The following NEB variants were observed in gnomAD, a reference collection of about 807,000 sequenced individuals.
NEB encodes the protein nebulin.
Under a neutral mutation model 952.2 loss-of-function variants are expected in NEB, and 512 were observed. The observed-to-expected ratio is 0.54, with a 90% confidence interval of 0.50 to 0.58. The LOEUF is 0.58. NEB is among the 20% of genes least tolerant of loss of function. NEB has a pLI of 0.00. For missense variants in NEB, 8,428 were observed against 9,231.1 expected (o/e 0.91, Z 3.56); for synonymous variants, 2,900 against 3,149.8 (o/e 0.92, Z 2.66).
chr2:151,524,653 G>A, intron 151 of NEB, 37 bp from the exon 152 acceptor site: 1 of 515,230 alleles, frequency 1.9e-6, no homozygotes, highest in South Asian at 2.1e-5. Flanking sequence ...CAAGAGAGAG[G>A]CTTTTTTTTT....
intron 32 of NEB, among the ~76,000 whole-genome samples, chr2:151,679,264 T>C (rs2099396978): frequency 6.6e-6 from 1 of 152,084 alleles, no homozygotes; most frequent in Non-Finnish European, 1.5e-5. Flanking sequence ...TTAACTGTAA[T>C]AGAACCCAAA....
intron 181 of NEB, among the ~76,000 whole-genome samples, chr2:151,488,991 C>G (rs2053730364): frequency 6.6e-6 from 1 of 152,094 alleles, no homozygotes; most frequent in Non-Finnish European, 1.5e-5. Context: ...TAAGTATTAT[C>G]ATTTTCAAAT....
chr2:151,639,201 T>A, intron 63 of NEB, 79 bp downstream of exon 63: 2 of 1,104,416 alleles, frequency 1.8e-6, no homozygotes, highest in Non-Finnish European at 2.6e-6. Flanking sequence ...TCTAAAGCTG[T>A]CATTTGGTAT....
At chr2:151,541,670 A>C in intron 135 of NEB, 119 bp from the exon 136 acceptor site, 1 of 737,210 alleles carries the variant, frequency 1.4e-6, no homozygotes, top group Non-Finnish European at 2.3e-6. Context: ...CAACGATTGC[A>C]GTTTCTTCCC....
intron 141 of NEB, among the ~76,000 whole-genome samples, chr2:151,536,215 A>G (rs1193436432): frequency 1.3e-5 from 2 of 152,172 alleles, no homozygotes; most frequent in African/African-American, 4.8e-5. Flanking sequence ...CCAAGCTAAC[A>G]CATATTTACT....
At position 151,684,828 on chromosome 2, in the gene NEB, C is replaced by T. The variant is rs777636048; in HGVS notation, c.2785G>A (p.Asp929Asn). ...TTGGCAAGGTCCACATTGATGCTAT[C>T]AGGGGGGTAGCTGTAACTGTGTAAG... ...HILHSYSYPP[D>N]SINVDLAKKA... is the part of the protein sequence containing the mutation. Residue 929 changes from aspartate (D) to asparagine (N), a missense_variant, in exon 28 of 182, where the codon GAT becomes AAT. Physicochemically the swap from Asp to Asn is conservative, Grantham distance 23. Around this residue, in one of 11 missense-constraint regions of NEB, gnomAD observed 2,851 missense variants for 2,791.5 expected, o/e 1.02. Coordinates refer to ENST00000397345, the MANE Select transcript of NEB (RefSeq NM_001164508.2). 1.1e-5 allele frequency: 18 copies of T among 1,613,302 alleles called. No homozygotes were observed. The highest frequency in any genetic ancestry group is 1.7e-5 in the Admixed American group (1 of 59,910).
rs947053462 is a variant in NEB, at chr2:151,513,653, C to T, written c.23168G>A (p.Arg7723Lys). The T allele has an allele frequency of 6.2e-7, 1 of 1,608,390 alleles. No homozygotes were observed. Among genetic ancestry groups the T allele is most frequent in the African/African-American group, 1.3e-5 (1 of 74,992 alleles). Residue 7723 changes from arginine to lysine, a missense_variant, in exon 160 of 182, where the codon AGA (arginine) becomes AAA (lysine). This residue lies in a region of NEB where 3,374 missense variants were observed against 3,651.5 expected (regional missense o/e 0.92). Transcript: ENST00000397345. Reference sequence around the variant, plus strand: ...TTCATTGGCCATGGCATTCAGGCCTCTTCCTTTGACTTCCAGTTCCAGGTC... The same window carrying T: ...TTCATTGGCCATGGCATTCAGGCCTTTTCCTTTGACTTCCAGTTCCAGGTC... ...KRDLELEVKG[R>K]GLNAMANETP...
At chr2:151,495,981 AAAAC>A (rs1447520857) in intron 173 of NEB, among the ~76,000 whole-genome samples, 1 of 152,168 alleles carries the variant, frequency 6.6e-6, no homozygotes, top group Non-Finnish European at 1.5e-5. Flanking sequence ...AAGCATATCT[AAAAC>A]AAAGAGACCT....
At chr2:151,727,053 TA>T (rs796713907) in intron 5 of NEB, among the ~76,000 whole-genome samples, 2,600 of 124,676 alleles carry the variant, frequency 0.021, 41 homozygotes, top group African/African-American at 0.054. Context: ...TTCTGTTTCT[TA>T]AAAAAAAAAA....
intron 173 of NEB, 55 bp from the exon 174 acceptor site, chr2:151,494,308 C>T: frequency 3.3e-6 from 4 of 1,209,138 alleles, no homozygotes; most frequent in South Asian, 2.7e-5. Flanking sequence ...TAACAGTTAC[C>T]AAAAAAGGAA....
In NEB at chr2:151,655,551, T is replaced by TC. The variant is rs1207597223; in HGVS notation, c.6703-178_6703-177insG. Among the ~76,000 whole-genome samples the TC allele has an allele frequency of 2.6e-5, 4 of 152,172 alleles. No homozygotes were observed. In the East Asian group the frequency reaches 5.8e-4, roughly 22 times the overall value. ...AAACTCAGATTTAAAAAAAAAATCT[T>TC]TTAAGTATTTTCTATTTTCTACAAT... On this transcript the variant is annotated intron_variant, in intron 50 of 181. Coordinates refer to ENST00000397345, the MANE Select transcript of NEB (RefSeq NM_001164508.2).
intron 71 of NEB, among the ~76,000 whole-genome samples, chr2:151,622,097 T>G: frequency 6.6e-6 from 1 of 152,042 alleles, no homozygotes; most frequent in Non-Finnish European, 1.5e-5. Context: ...GCCTCCCAGG[T>G]TCAAGCGATT....
intron 148 of NEB, 48 bp downstream of exon 148, chr2:151,526,870 G>C: frequency 1.5e-6 from 2 of 1,297,162 alleles, no homozygotes; most frequent in Non-Finnish European, 2.2e-6. Context: ...TACCATGGAA[G>C]ATGGCCCTGA....
At position 151,729,509 on chromosome 2, in the gene NEB, A is replaced by C. The variant is rs113807294; in HGVS notation, c.78+106T>G. ...ACAGGTAGGTGAGTGATCCTCTGTC[A>C]GATAATCCCTTTTGCCATCTTTGTG... is the stretch of plus-strand genomic sequence containing the variant. On this transcript the variant is annotated intron_variant, in intron 4 of 181. Transcript: ENST00000397345. The C allele has an allele frequency of 5.9e-4, 754 of 1,269,952 alleles. 2 individuals carry two copies. In the African/African-American group the frequency reaches 9.8e-3, roughly 17 times the overall value. 78.7% of individuals were successfully genotyped at this position (1,269,952 alleles called of 1,614,324 possible). A position where few individuals can be genotyped will look rare whatever the true frequency, so the allele number is the denominator to read the frequency against.
intron 68 of NEB, among the ~76,000 whole-genome samples, chr2:151,628,410 T>C (rs765606478): frequency 6.6e-6 from 1 of 152,186 alleles, no homozygotes; most frequent in Non-Finnish European, 1.5e-5. Flanking sequence ...TGAGGTTTGT[T>C]TGGGATTCCT....
intron 15 of NEB, 31 bp from the exon 16 acceptor site, chr2:151,697,283 C>A (rs2099603363): frequency 6.2e-7 from 1 of 1,607,750 alleles, no homozygotes; most frequent in Non-Finnish European, 8.5e-7. Context: ...GCATAAGATG[C>A]AGCCATTGTA....
At chr2:151,525,475 G>C (rs1194930121) in intron 150 of NEB, among the ~76,000 whole-genome samples, 1 of 152,182 alleles carries the variant, frequency 6.6e-6, no homozygotes, top group Non-Finnish European at 1.5e-5. Context: ...AATCTTCGGA[G>C]AACCTGGGTA....
At position 151,527,529 on chromosome 2, in the gene NEB, G is replaced by T. The variant is rs758971689; in HGVS notation, c.21792C>A (p.Asp7264Glu). ...TGGCAGCCTGGAGGAAGTCCGGTCG[G>T]TCAGGAGTCCACTTCCAGTGGGCTT... is the stretch of plus-strand genomic sequence containing the variant. ...ANKAHWKWTPDRPDFLQAAKS... is the reference protein window; with the variant it reads ...ANKAHWKWTPERPDFLQAAKS... The change falls in exon 147 of 182, where the codon GAC becomes GAA. Residue 7264 changes from aspartate to glutamate, a missense_variant. Physicochemically the swap from Asp to Glu is conservative, Grantham distance 45 (BLOSUM62 2). Coordinates refer to ENST00000397345, the MANE Select transcript of NEB (RefSeq NM_001164508.2). 5 of 1,613,502 alleles carry T rather than the reference G, an allele frequency of 3.1e-6. No homozygotes were observed. In the Admixed American group the frequency reaches 8.3e-5, roughly 27 times the overall value.
At chr2:151,531,938 A>C in intron 143 of NEB, 42 bp from the exon 144 acceptor site, 1 of 1,333,370 alleles carries the variant, frequency 7.5e-7, no homozygotes, top group South Asian at 1.2e-5. Context: ...GAAGTTGTAG[A>C]GTGGGCTTTA....
Sources: gnomAD v4.1 joint callset for allele counts (sites outside exome capture counted in the v4.1 genomes callset) on GRCh38, gnomAD v4.1.1 for gene constraint, gnomAD v4.1.1 regional missense constraint, MANE v1.5 for transcripts, NCBI Gene and HGNC (gene_info 2026-07-23, HGNC 2026-07-21) for gene names.